CYSLTR1: variants seen among roughly 807,000 people sequenced by gnomAD.
The protein encoded by CYSLTR1 is cysteinyl leukotriene receptor 1.
In CYSLTR1, 1 loss-of-function variant was observed where a neutral mutation model predicts 2.1. The observed-to-expected ratio is 0.48, with a 90% CI of 0.17 to 2.28. CYSLTR1 has a LOEUF of 2.28. Ranked by LOEUF, CYSLTR1 falls within the 30% of genes most tolerant of loss-of-function variation. The probability of loss-of-function intolerance (pLI) is 0.26; values close to 1 mark genes in which losing one functional copy is unlikely to be tolerated. For synonymous variants in CYSLTR1, 110 were observed against 89.6 expected, an observed-to-expected ratio of 1.23 and a Z score of -1.28; for missense variants, 299 against 250.1, an observed-to-expected ratio of 1.20 and a Z score of -1.32.
intron 2 of CYSLTR1, among the ~76,000 whole-genome samples, chrX:78,276,674 C>T (rs1921606643): frequency 9.0e-6 from 1 of 110,615 alleles, no homozygotes; most frequent in Non-Finnish European, 1.9e-5. Context: ...GAACTTTTGG[C>T]ATAAGATAAA....
chrX:78,287,975 C>T (rs1456368618), intron 1 of CYSLTR1, among the ~76,000 whole-genome samples: 3 of 109,413 alleles, frequency 2.7e-5, no homozygotes, highest in African/African-American at 1.0e-4. Flanking sequence ...TTTTAAGGGA[C>T]ATGAATGGTA....
chrX:78,283,633 T>G (rs1306288198), intron 1 of CYSLTR1, 93 bp from the exon 2 acceptor site: 2 of 111,325 alleles, frequency 1.8e-5, no homozygotes, highest in African/African-American at 6.5e-5. Flanking sequence ...AGATCCAGAG[T>G]GTGTAATGGG....
intron 1 of CYSLTR1, among the ~76,000 whole-genome samples, chrX:78,298,704 G>A (rs1395596071): frequency 5.4e-5 from 6 of 110,766 alleles, no homozygotes; most frequent in African/African-American, 2.0e-4. Flanking sequence ...TGCTCTTTTT[G>A]GTTTTTTATT....
chrX:78,307,368 C>T (rs747776953), intron 1 of CYSLTR1, among the ~76,000 whole-genome samples: 2 of 111,788 alleles, frequency 1.8e-5, no homozygotes, highest in Non-Finnish European at 3.8e-5. Flanking sequence ...CTCCTAAAGG[C>T]TACCTTCAGG....
chrX:78,313,006 C>G (rs1027774831), intron 1 of CYSLTR1, among the ~76,000 whole-genome samples: 2 of 111,792 alleles, frequency 1.8e-5, no homozygotes, highest in East Asian at 5.6e-4. Context: ...AAAAATACAT[C>G]CATGCACATA....
chrX:78,273,087 T>G lies in CYSLTR1; in HGVS notation c.660A>C (p.Ser220=), dbSNP rs202227631. 4.6e-5 allele frequency: 55 copies of G among 1,208,186 alleles called. No individual in the cohort carries two copies. The highest frequency in any genetic ancestry group is 6.0e-5 in the Non-Finnish European group (54 of 894,139). ...TATGACTTGACAGATTTTTTTTCAT[T>G]GATTTTTTTAGTAAGGTCAAAATGA... The part of the protein sequence containing the change: ...TMIILTLLKK[S]MKKNLSSHKK... Residue 220 remains serine (S), a synonymous_variant, in exon 3 of 3, where the codon TCA becomes TCC. Coordinates refer to ENST00000373304, the MANE Select transcript of CYSLTR1 (RefSeq NM_006639.4).
At chrX:78,294,635 C>T (rs764236440) in intron 1 of CYSLTR1, among the ~76,000 whole-genome samples, 81 of 112,735 alleles carry the variant, frequency 7.2e-4, no homozygotes, top group Non-Finnish European at 2.8e-4. Context: ...GTGGGATCTG[C>T]CCAGTTCGAG....
In CYSLTR1 at chrX:78,272,799, G is replaced by A. The variant is rs748490931; in HGVS notation, c.948C>T (p.Ser316=). The change falls in exon 3 of 3, where the codon AGC becomes AGT. Residue 316 remains serine, a synonymous_variant. Transcript: ENST00000373304. ...LSTFRKHSLS[S]VTYVPRKKAS... ...CCTTCTTTCTGGGTACATAAGTCAC[G>A]CTGGACAAAGAATGCTTTCTGAATG... 7 of 1,208,335 alleles carry A rather than the reference G, an allele frequency of 5.8e-6. No individual in the cohort carries two copies. In the East Asian group the frequency reaches 1.2e-4, roughly 20 times the overall value.
intron 1 of CYSLTR1, among the ~76,000 whole-genome samples, chrX:78,292,727 C>T (rs1179851694): frequency 9.1e-6 from 1 of 110,238 alleles, no homozygotes. Flanking sequence ...ATGTAATGGC[C>T]TTCTTTGTTT....
chrX:78,282,129 GCCTTTCCTCCTTCCTGAAATGT>G (rs1485179951), intron 2 of CYSLTR1, among the ~76,000 whole-genome samples: 2 of 111,619 alleles, frequency 1.8e-5, no homozygotes, highest in Admixed American at 9.5e-5. Context: ...TCTTGAAATG[GCCTTTCCTCCTTCCTGAAATGT>G]CCTTTCCTCC....
intron 1 of CYSLTR1, among the ~76,000 whole-genome samples, chrX:78,316,997 A>G (rs1175020867): frequency 1.8e-5 from 2 of 112,596 alleles, no homozygotes; most frequent in South Asian, 3.6e-4. Context: ...ACAAATTTAA[A>G]CTAAAAGAAT....
chrX:78,275,045 G>C (rs1193681039), intron 2 of CYSLTR1, among the ~76,000 whole-genome samples: 6 of 111,276 alleles, frequency 5.4e-5, no homozygotes, highest in South Asian at 3.8e-4. Flanking sequence ...TCTCACACCA[G>C]TTAGAATGGC....
At position 78,273,573 on chromosome X, in the gene CYSLTR1, G is replaced by A. The variant is rs760656254; in HGVS notation, c.174C>T (p.Phe58=). The part of the protein sequence containing the change: ...LIKTYHKKSA[F]QVYMINLAVA... ...CTGCTAAATTAATCATGTATACTTG[G>A]AAGGCTGACTTCTTGTGATAGGTTT... Residue 58 remains phenylalanine (F), a synonymous_variant, in exon 3 of 3, where the codon TTC becomes TTT. Coordinates refer to ENST00000373304, the MANE Select transcript of CYSLTR1 (RefSeq NM_006639.4). The A allele has an allele frequency of 2.1e-5, 25 of 1,209,765 alleles. 1 individual carries two copies. In the Admixed American group the frequency reaches 5.5e-4, roughly 27 times the overall value.
intron 1 of CYSLTR1, among the ~76,000 whole-genome samples, chrX:78,298,012 G>T (rs1358138501): frequency 1.8e-5 from 2 of 111,108 alleles, no homozygotes; most frequent in Non-Finnish European, 3.8e-5. Context: ...GGTGCTGGCA[G>T]CTATAAACCT....
rs1179708437 is a variant in CYSLTR1 at position 78,327,329 on chromosome X, T to C, written c.-139A>G. On this transcript the variant is annotated 5_prime_UTR_variant, in exon 1 of 3. An upstream open reading frame in the 5' UTR loses its in-frame stop. Transcript: ENST00000373304. ...CCTGCTAACTTCAAGGTCCACAGTT[T>C]ACTGTCCTTTTGCGTTTGTTCTCAG... is the stretch of plus-strand genomic sequence containing the variant. 8.9e-6 allele frequency: 1 copy of C among 112,098 alleles called. No individual in the cohort carries two copies. The highest frequency in any genetic ancestry group is 1.9e-5 in the Non-Finnish European group (1 of 53,260). 9.2% of individuals were successfully genotyped at this position (112,098 alleles called of 1,213,427 possible). A position where few individuals can be genotyped will look rare whatever the true frequency, so the allele number is the denominator to read the frequency against.
At chrX:78,311,123 GA>G (rs1923205976) in intron 1 of CYSLTR1, among the ~76,000 whole-genome samples, 1 of 110,880 alleles carries the variant, frequency 9.0e-6, no homozygotes, top group Admixed American at 9.6e-5. Context: ...CCATCCCTGA[GA>G]GGTTTAATTT....
chrX:78,277,229 G>A (rs763753193), intron 2 of CYSLTR1, among the ~76,000 whole-genome samples: 4 of 111,165 alleles, frequency 3.6e-5, no homozygotes, highest in Admixed American at 2.9e-4. Context: ...TCATAGGGTA[G>A]GGGTAGTATG....
At chrX:78,275,742 A>T (rs1029517291) in intron 2 of CYSLTR1, among the ~76,000 whole-genome samples, 13 of 111,657 alleles carry the variant, frequency 1.2e-4, no homozygotes, top group South Asian at 7.5e-4. Context: ...ATAATAATAA[A>T]AAAAGAAAAT....
chrX:78,323,190 C>G (rs891191023), intron 1 of CYSLTR1, among the ~76,000 whole-genome samples: 2 of 111,472 alleles, frequency 1.8e-5, no homozygotes, highest in African/African-American at 6.5e-5. Flanking sequence ...TTTTGTAAAG[C>G]ACTAAGTAGA....
Sources: allele counts gnomAD v4.1 joint callset (sites outside exome capture counted in the v4.1 genomes callset), GRCh38; gene constraint gnomAD v4.1.1; transcripts MANE v1.5; gene names NCBI Gene and HGNC (gene_info 2026-07-23, HGNC 2026-07-21).